Variants in EPB41L4B observed in about 807,000 individuals in gnomAD.
EPB41L4B encodes the protein band 4.1-like protein 4B.
Under a neutral mutation model 112.5 loss-of-function variants are expected in EPB41L4B, and 30 were observed. The ratio of observed to expected loss-of-function variants is 0.27; its 90% CI spans 0.20 to 0.36. The LOEUF (loss-of-function observed/expected upper bound fraction) is 0.36. EPB41L4B is among the 10% of genes least tolerant of loss of function. EPB41L4B has a pLI of 1.00. For synonymous variants in EPB41L4B, 408 were observed against 439.7 expected (o/e 0.93, Z 0.90); for missense variants, 1,024 against 1,133.3 (o/e 0.90, Z 1.38).
chr9:109,262,678 T>C (rs1835258420), intron 6 of EPB41L4B, among the ~76,000 whole-genome samples: 1 of 152,186 alleles, frequency 6.6e-6, no homozygotes, highest in African/African-American at 2.4e-5. Flanking sequence ...ATGAAATTCT[T>C]TCTCTTTAAA....
intron 1 of EPB41L4B, chr9:109,300,215 A>C (rs1836907124): frequency 1.3e-5 from 2 of 152,296 alleles, no homozygotes; most frequent in Non-Finnish European, 2.9e-5. Context: ...GATTACAGCC[A>C]GGGTGGCTGG....
rs150947960 is a variant in EPB41L4B, at chr9:109,195,027, C to T, written c.2046-630G>A. ...TATGGATATACCACATTCTGTTTAT[C>T]CATTCATCTGTTGATGGACACTTGG... On this transcript the variant is annotated intron_variant, in intron 20 of 25. Transcript: ENST00000374566. Among the ~76,000 whole-genome samples the T allele has an allele frequency of 3.4e-3, 521 of 152,246 alleles. 3 individuals carry two copies. Among genetic ancestry groups the T allele is most frequent in the African/African-American group, 0.012 (510 of 41,542 alleles).
chr9:109,223,548 T>C (rs888427772), intron 15 of EPB41L4B, among the ~76,000 whole-genome samples: 3 of 152,086 alleles, frequency 2.0e-5, no homozygotes, highest in Non-Finnish European at 2.9e-5. Context: ...GGCTGAGTGA[T>C]CAATGCCCCA....
chr9:109,262,440 G>A (rs1019627689), intron 6 of EPB41L4B, among the ~76,000 whole-genome samples: 16 of 58,716 alleles, frequency 2.7e-4, no homozygotes, highest in Admixed American at 1.1e-3. Context: ...GCTATTTCTT[G>A]GTGTGTGTGG....
intron 2 of EPB41L4B, among the ~76,000 whole-genome samples, chr9:109,276,047 A>ATG (rs1835803217): frequency 6.8e-6 from 1 of 147,700 alleles, no homozygotes; most frequent in South Asian, 2.1e-4. Flanking sequence ...ATATATATAT[A>ATG]AAATATATGT....
chr9:109,251,201 A>G (rs1834775744), intron 13 of EPB41L4B, among the ~76,000 whole-genome samples: 1 of 152,250 alleles, frequency 6.6e-6, no homozygotes, highest in South Asian at 2.1e-4. Flanking sequence ...TGTGCTGCGC[A>G]CAGGCCTCTA....
At chr9:109,278,943 G>A (rs536634150) in intron 2 of EPB41L4B, among the ~76,000 whole-genome samples, 1 of 152,310 alleles carries the variant, frequency 6.6e-6, no homozygotes, top group East Asian at 1.9e-4. Context: ...TCTCCACTGT[G>A]AACAGTTCTG....
intron 22 of EPB41L4B, 35 bp downstream of exon 22, chr9:109,192,243 T>C: frequency 6.4e-7 from 1 of 1,559,456 alleles, no homozygotes; most frequent in Non-Finnish European, 8.8e-7. Context: ...CTATGGTCTG[T>C]GACTTTTCTG....
At chr9:109,260,614 T>G (rs1265753018) in intron 6 of EPB41L4B, among the ~76,000 whole-genome samples, 1 of 151,990 alleles carries the variant, frequency 6.6e-6, no homozygotes, top group Admixed American at 6.6e-5. Context: ...GGAGTTTTAC[T>G]ATGTTGGCCA....
chr9:109,299,041 T>TG (rs1564329705), intron 1 of EPB41L4B, among the ~76,000 whole-genome samples: 1 of 152,102 alleles, frequency 6.6e-6, no homozygotes, highest in Non-Finnish European at 1.5e-5. Context: ...CCAGGCACTT[T>TG]GAGGAATTCC....
Position 109,213,724 on chromosome 9 carries a change from A to C in EPB41L4B, c.1728T>G (p.Pro576=), listed in dbSNP as rs776759039. 2 of 1,614,092 alleles carry C rather than the reference A, an allele frequency of 1.2e-6. No individual in the cohort carries two copies. Among genetic ancestry groups the C allele is most frequent in the Admixed American group, 3.3e-5 (2 of 60,022 alleles). The change falls in exon 17 of 26, where the codon CCT becomes CCG. Residue 576 remains proline, a synonymous_variant. Transcript: ENST00000374566. ...LETVKAAGPW[P]PLHININKAE... is the part of the protein sequence containing the mutation. ...CCTTGTTTATGTTGATGTGCAGAGG[A>C]GGCCAGGGTCCAGCAGCCTTCACAG...
chr9:109,310,843 T>C (rs1837390366), intron 1 of EPB41L4B, among the ~76,000 whole-genome samples: 1 of 152,192 alleles, frequency 6.6e-6, no homozygotes, highest in Admixed American at 6.5e-5. Context: ...CAAGAGAACA[T>C]TACTCAGCGT....
chr9:109,284,742 T>C (rs1430608740), intron 1 of EPB41L4B, among the ~76,000 whole-genome samples: 2 of 152,242 alleles, frequency 1.3e-5, no homozygotes, highest in Non-Finnish European at 2.9e-5. Flanking sequence ...TTCTGGCAGT[T>C]GTCAGAGACC....
chr9:109,298,987 A>T (rs1400924757), intron 1 of EPB41L4B, among the ~76,000 whole-genome samples: 1 of 152,170 alleles, frequency 6.6e-6, no homozygotes, highest in Non-Finnish European at 1.5e-5. Context: ...AAGCAAAAAT[A>T]GGAGGGAATT....
chr9:109,241,884 C>T, intron 15 of EPB41L4B: 1 of 1,503,460 alleles, frequency 6.7e-7, no homozygotes, highest in Non-Finnish European at 9.2e-7. Flanking sequence ...ACAACACAAG[C>T]ACAAAGGAAA....
chr9:109,280,591 G>A (rs1170707352), intron 1 of EPB41L4B, among the ~76,000 whole-genome samples: 1 of 152,056 alleles, frequency 6.6e-6, no homozygotes, highest in African/African-American at 2.4e-5. Context: ...CCTGTAAAAC[G>A]GGCCTCAGGA....
At chr9:109,273,510 G>A (rs919961038) in intron 2 of EPB41L4B, among the ~76,000 whole-genome samples, 3 of 152,172 alleles carry the variant, frequency 2.0e-5, no homozygotes, top group Non-Finnish European at 4.4e-5. Context: ...GCCTCCCAAA[G>A]TGCTGGGATT....
chr9:109,242,645 C>CT (rs976401178), intron 15 of EPB41L4B, among the ~76,000 whole-genome samples: 7 of 151,994 alleles, frequency 4.6e-5, no homozygotes, highest in African/African-American at 1.4e-4. Context: ...CCCCAACAAA[C>CT]TTTTTTTTGG....
chr9:109,310,698 G>A (rs948738483), intron 1 of EPB41L4B, among the ~76,000 whole-genome samples: 1 of 152,184 alleles, frequency 6.6e-6, no homozygotes, highest in Non-Finnish European at 1.5e-5. Context: ...ATAACACCAC[G>A]AGGTGAGGGC....
Sources: gnomAD v4.1 joint callset for allele counts (sites outside exome capture counted in the v4.1 genomes callset) on GRCh38, gnomAD v4.1.1 for gene constraint, MANE v1.5 for transcripts, NCBI Gene and HGNC (gene_info 2026-07-23, HGNC 2026-07-21) for gene names.